Variants in LRP5 observed in about 807,000 individuals in gnomAD.
LRP5 encodes the protein low-density lipoprotein receptor-related protein 5.
LRP5 carries 62 observed loss-of-function variants against 154.1 expected under a neutral mutation model. The observed-to-expected ratio is 0.40, with a 90% CI of 0.33 to 0.50. LRP5 has a LOEUF of 0.50. Among genes scored for constraint, LRP5 ranks in the 20% least tolerant of loss-of-function variants. The probability of loss-of-function intolerance (pLI) is 0.55; values close to 1 mark genes in which losing one functional copy is unlikely to be tolerated. For missense variants in LRP5, 1,915 were observed against 2,336.7 expected (o/e 0.82, Z 3.72); for synonymous variants, 966 against 1,011.5 (o/e 0.96, Z 0.85).
At chr11:68,409,187 T>C (rs1252139720) in intron 9 of LRP5, among the ~76,000 whole-genome samples, 1 of 129,604 alleles carries the variant, frequency 7.7e-6, no homozygotes, top group Non-Finnish European at 1.6e-5. Context: ...ATAAATAAAA[T>C]TTATAAATTA....
chr11:68,366,064 C>T (rs1289620437), intron 5 of LRP5, among the ~76,000 whole-genome samples: 6 of 152,054 alleles, frequency 3.9e-5, no homozygotes, highest in East Asian at 1.9e-4. Flanking sequence ...GGTGTCGGTT[C>T]GGGGCGGGCC....
intron 5 of LRP5, among the ~76,000 whole-genome samples, chr11:68,378,765 C>T (rs567703114): frequency 5.9e-5 from 9 of 152,110 alleles, no homozygotes; most frequent in African/African-American, 1.9e-4. Context: ...GGGTCAGGCG[C>T]GGTGGCTCAC....
intron 1 of LRP5, among the ~76,000 whole-genome samples, chr11:68,319,656 T>C (rs2098595616): frequency 6.6e-6 from 1 of 152,196 alleles, no homozygotes; most frequent in South Asian, 2.1e-4. Flanking sequence ...ACACCCTACT[T>C]TGTACTTTTG....
intron 5 of LRP5, among the ~76,000 whole-genome samples, chr11:68,378,735 C>T (rs180696073): frequency 4.6e-5 from 7 of 152,170 alleles, no homozygotes; most frequent in East Asian, 3.9e-4. Flanking sequence ...TTTCTGTTTA[C>T]GGATCAAAAT....
chr11:68,410,397 G>A (rs1349490732), intron 10 of LRP5, among the ~76,000 whole-genome samples: 1 of 152,170 alleles, frequency 6.6e-6, no homozygotes, highest in Non-Finnish European at 1.5e-5. Context: ...AGTGTCCATG[G>A]AGCCTGCGTA....
intron 3 of LRP5, among the ~76,000 whole-genome samples, chr11:68,359,249 C>T (rs1442979113): frequency 6.6e-6 from 1 of 152,132 alleles, no homozygotes; most frequent in Non-Finnish European, 1.5e-5. Context: ...TTGAGTGAGG[C>T]CGGGACATCC....
At chr11:68,352,626 G>A (rs1361058210) in intron 2 of LRP5, among the ~76,000 whole-genome samples, 2 of 151,890 alleles carry the variant, frequency 1.3e-5, no homozygotes, top group Non-Finnish European at 2.9e-5. Flanking sequence ...GAAGGTGATT[G>A]GTACTTTGTT....
chr11:68,413,552 A>G lies in LRP5; in HGVS notation c.2504-137A>G, dbSNP rs2098660767. 2.6e-6 allele frequency: 2 copies of G among 763,316 alleles called. No individual in the cohort carries two copies. The allele number at this position is 763,316 out of a possible 1,614,324, so 47.3% of individuals were successfully genotyped here. A position where few individuals can be genotyped will look rare whatever the true frequency, so the allele number is the denominator to read the frequency against. The stretch of plus-strand genomic sequence containing the variant: ...CTTCAGTGGATCTTGCTGGTTTTCC[A>G]AGGTGGCCAAACACTTTAAGGCATT... On this transcript the variant is annotated intron_variant, in intron 11 of 22. Coordinates refer to ENST00000294304, the MANE Select transcript of LRP5 (RefSeq NM_002335.4). This position sits in a 1 kb window ranked among gnomAD's most constrained non-coding sequence, Gnocchi z 5.1.
At chr11:68,320,544 C>T (rs2098596160) in intron 1 of LRP5, among the ~76,000 whole-genome samples, 1 of 151,780 alleles carries the variant, frequency 6.6e-6, no homozygotes. Context: ...TCACTGCAAC[C>T]TCTGCCTCCC....
At chr11:68,361,044 G>A (rs1305084945) in intron 3 of LRP5, among the ~76,000 whole-genome samples, 3 of 123,270 alleles carry the variant, frequency 2.4e-5, no homozygotes, top group African/African-American at 6.1e-5. Context: ...GGTGGCTCAC[G>A]CCTGTAATCC....
intron 9 of LRP5, among the ~76,000 whole-genome samples, chr11:68,409,099 C>A (rs796700449): frequency 1.1e-5 from 1 of 93,010 alleles, no homozygotes; most frequent in African/African-American, 5.2e-5. Context: ...TATATATACA[C>A]ACACATACAC....
chr11:68,433,859 G>C (rs747245304), intron 18 of LRP5, 21 bp downstream of exon 18: 3 of 1,604,610 alleles, frequency 1.9e-6, no homozygotes, highest in Non-Finnish European at 2.6e-6. Context: ...CCCCGTCAAG[G>C]CTCTGCCAAG....
At chr11:68,430,238 A>T (rs7120776) in intron 17 of LRP5, among the ~76,000 whole-genome samples, 5 of 152,182 alleles carry the variant, frequency 3.3e-5, no homozygotes, top group Non-Finnish European at 7.3e-5. Context: ...CAATGGCGCG[A>T]TCTCAGCTCA....
chr11:68,403,615 A>G lies in LRP5; in HGVS notation c.1717A>G (p.Lys573Glu), dbSNP rs2098653913. ...WQRRSIERVH[K>E]VKASRDVIID... ...GCGCCGCAGCATCGAGCGGGTGCAC[A>G]AGGTCAAGGCCAGCCGGGACGTCAT... The change falls in exon 8 of 23, where the codon AAG (lysine) becomes GAG (glutamate). Residue 573 changes from lysine (K) to glutamate (E), a missense_variant. By Grantham distance (56) the Lys-to-Glu change is moderately conservative (BLOSUM62 1). This residue lies in a region of LRP5 where 773 missense variants were observed against 1,100.9 expected (regional missense o/e 0.70). Coordinates refer to ENST00000294304, the MANE Select transcript of LRP5 (RefSeq NM_002335.4). 1 of 1,614,070 alleles carries G rather than the reference A, an allele frequency of 6.2e-7. No homozygotes were observed. The highest frequency in any genetic ancestry group is 8.5e-7 in the Non-Finnish European group (1 of 1,180,058).
intron 9 of LRP5, among the ~76,000 whole-genome samples, chr11:68,409,102 A>ACG (rs2098657709): frequency 4.2e-5 from 1 of 23,960 alleles, no homozygotes; most frequent in Non-Finnish European, 1.1e-4. Context: ...ATATACACAC[A>ACG]CATACACGCA....
chr11:68,316,636 A>G (rs975407892), intron 1 of LRP5, among the ~76,000 whole-genome samples: 3 of 152,202 alleles, frequency 2.0e-5, no homozygotes, highest in African/African-American at 7.2e-5. Flanking sequence ...TATATTTGTC[A>G]GTTCATCCGC....
At chr11:68,408,202 A>G (rs2098656820) in intron 9 of LRP5, among the ~76,000 whole-genome samples, 1 of 145,440 alleles carries the variant, frequency 6.9e-6, no homozygotes, top group Non-Finnish European at 1.5e-5. Context: ...CAGCCTCCCT[A>G]GTAGCTGGGA....
rs547429075 is a variant in LRP5 at position 68,411,691 on chromosome 11, G to A, written c.2503+71G>A. ...CGGGCGTTGGCCACCTCCCAGCCTC[G>A]CCGCACATACCCTGTGGCCTGCAAG... On this transcript the variant is annotated intron_variant, in intron 11 of 22. Transcript: ENST00000294304. 380 of 1,487,528 alleles carry A rather than the reference G, an allele frequency of 2.6e-4. No individual in the cohort carries two copies. The African/African-American group carries it at 4.5e-3, about 17-fold the overall frequency. The allele number at this position is 1,487,528 out of a possible 1,614,324, so 92.1% of individuals were successfully genotyped here.
Position 68,426,215 on chromosome 11 carries a change from C to G in LRP5, c.3637+28C>G, listed in dbSNP as rs964536471. On this transcript the variant is annotated intron_variant, in intron 16 of 22. Coordinates refer to ENST00000294304, the MANE Select transcript of LRP5 (RefSeq NM_002335.4). Reference sequence around the variant, plus strand: ...ACGTGGGGGCTGGCAGTGGGGTGGGCAGGGTGGCCTCTAAACCCGACCCCT... The same window carrying G: ...ACGTGGGGGCTGGCAGTGGGGTGGGGAGGGTGGCCTCTAAACCCGACCCCT... The G allele has an allele frequency of 4.4e-6, 7 of 1,597,154 alleles. No individual in the cohort carries two copies. In the African/African-American group the frequency reaches 8.0e-5, roughly 18 times the overall value.
Sources: gnomAD v4.1 joint callset for allele counts (sites outside exome capture counted in the v4.1 genomes callset) on GRCh38, gnomAD v4.1.1 for gene constraint, gnomAD v4.1.1 regional missense constraint, Gnocchi (gnomAD v3.1) non-coding constraint, MANE v1.5 for transcripts, NCBI Gene and HGNC (gene_info 2026-07-23, HGNC 2026-07-21) for gene names.